NEIL3: variants seen among roughly 807,000 people sequenced by gnomAD.
NEIL3 encodes endonuclease 8-like 3.
In NEIL3, 48 loss-of-function variants were observed where a neutral mutation model predicts 57.5. The observed-to-expected ratio is 0.83, with a 90% CI of 0.66 to 1.06. NEIL3 has a LOEUF of 1.06. NEIL3 is among the 50% of genes least tolerant of loss of function. The probability of loss-of-function intolerance (pLI) is 0.00; values close to 1 mark genes in which losing one functional copy is unlikely to be tolerated. For missense variants in NEIL3, 717 were observed against 739.1 expected, an observed-to-expected ratio of 0.97 and a Z score of 0.35; for synonymous variants, 261 against 253.2, an observed-to-expected ratio of 1.03 and a Z score of -0.29.
At chr4:177,339,650 C>T in intron 4 of NEIL3, 133 bp from the exon 5 acceptor site, 1 of 643,228 alleles carries the variant, frequency 1.6e-6, no homozygotes, top group Non-Finnish European at 2.7e-6. Flanking sequence ...CCAGTTCAAA[C>T]CCATGTTGTT....
intron 8 of NEIL3, among the ~76,000 whole-genome samples, chr4:177,358,359 G>A (rs1413820595): frequency 6.6e-6 from 1 of 152,096 alleles, no homozygotes; most frequent in Non-Finnish European, 1.5e-5. Flanking sequence ...CCAGGCTGGA[G>A]TGCAATGGCG....
At chr4:177,325,258 A>C (rs1460184116) in intron 2 of NEIL3, among the ~76,000 whole-genome samples, 1 of 152,124 alleles carries the variant, frequency 6.6e-6, no homozygotes, top group African/African-American at 2.4e-5. Context: ...TACTTATAAA[A>C]GAGTTTTACA....
chr4:177,366,562 C>G (rs893477197), downstream of NEIL3, among the ~76,000 whole-genome samples: 2 of 152,150 alleles, frequency 1.3e-5, no homozygotes, highest in African/African-American at 4.8e-5. Context: ...CCACGCCTGG[C>G]TAATTTTTGT....
downstream of NEIL3, among the ~76,000 whole-genome samples, chr4:177,367,607 C>T (rs1735708302): frequency 6.6e-6 from 1 of 152,178 alleles, no homozygotes; most frequent in African/African-American, 2.4e-5. Context: ...ACAGAGCTGT[C>T]AGATTTCAGA....
In NEIL3 at chr4:177,310,077, C is replaced by G; in HGVS notation, c.124C>G (p.Leu42Val). 3 of 1,597,270 alleles carry G rather than the reference C, an allele frequency of 1.9e-6. No individual in the cohort carries two copies. Among genetic ancestry groups the G allele is most frequent in the Non-Finnish European group, 2.6e-6 (3 of 1,173,234 alleles). The change falls in exon 1 of 10, where the codon CTC becomes GTC. Residue 42 changes from leucine to valine, a missense_variant. Transcript: ENST00000264596. ...GAGTCTGCAGGGCCGCGCCTTGCGGCTCGCAGCCTCCACGGTTGTGGTCTC... is the reference window on the plus strand; with the variant it reads ...GAGTCTGCAGGGCCGCGCCTTGCGGGTCGCAGCCTCCACGGTTGTGGTCTC... ...LRSLQGRALR[L>V]AASTVVVSPQ...
At chr4:177,346,337 T>A (rs1483976030) in intron 6 of NEIL3, among the ~76,000 whole-genome samples, 1 of 104,992 alleles carries the variant, frequency 9.5e-6, no homozygotes, top group Non-Finnish European at 1.8e-5. Context: ...TGCCTAATTT[T>A]TTATTTTTAT....
rs1312117282 is a variant in NEIL3, at chr4:177,336,207, A to G, written c.513A>G (p.Lys171=). 6.2e-7 allele frequency: 1 copy of G among 1,614,164 alleles called. No individual in the cohort carries two copies. ...TGAGAGCAGAAAGTGAAGTTAAAAA[A>G]CAGAAAGGCCGGATGCTAGGTGATG... The part of the protein sequence containing the change: ...SFLRAESEVK[K]QKGRMLGDVL... The change falls in exon 4 of 10, where the codon AAA becomes AAG. Residue 171 remains lysine (K), a synonymous_variant. Transcript: ENST00000264596.
chr4:177,369,520 G>T, the NEIL3 span, among the ~76,000 whole-genome samples: 1 of 152,136 alleles, frequency 6.6e-6, no homozygotes, highest in South Asian at 2.1e-4. Flanking sequence ...GAGCCCATGG[G>T]CAGATAAGCA....
chr4:177,328,368 A>C (rs1196905560), intron 2 of NEIL3, among the ~76,000 whole-genome samples: 2 of 152,190 alleles, frequency 1.3e-5, no homozygotes, highest in Admixed American at 1.3e-4. Context: ...AAAGAGCCTC[A>C]AACCAAACCA....
chr4:177,347,126 G>T (rs925941893), intron 6 of NEIL3, among the ~76,000 whole-genome samples: 1 of 152,148 alleles, frequency 6.6e-6, no homozygotes, highest in African/African-American at 2.4e-5. Flanking sequence ...TGACGGAGAC[G>T]GCTCATTTTT....
intron 1 of NEIL3, among the ~76,000 whole-genome samples, chr4:177,313,281 T>A (rs752600810): frequency 6.6e-6 from 1 of 152,208 alleles, no homozygotes; most frequent in Non-Finnish European, 1.5e-5. Context: ...ACTGTTACTG[T>A]GTCATATAGC....
At chr4:177,334,993 A>G (rs35487300) in intron 2 of NEIL3, among the ~76,000 whole-genome samples, 3,699 of 152,294 alleles carry the variant, frequency 0.024, 92 homozygotes, top group African/African-American at 0.061. Context: ...GTGGCTTTCA[A>G]GTTAACCGTA....
chr4:177,351,317 TA>T, intron 6 of NEIL3, 62 bp from the exon 7 acceptor site: 1 of 1,173,308 alleles, frequency 8.5e-7, no homozygotes, highest in Non-Finnish European at 1.2e-6. Context: ...TAATCATTTC[TA>T]AAATATCCAG....
chr4:177,323,404 A>G (rs961605158), intron 2 of NEIL3, among the ~76,000 whole-genome samples: 1 of 152,168 alleles, frequency 6.6e-6, no homozygotes, highest in Non-Finnish European at 1.5e-5. Context: ...ATGCTAACCA[A>G]AGGTGAATAA....
At chr4:177,357,928 A>G (rs917979354) in intron 8 of NEIL3, among the ~76,000 whole-genome samples, 5 of 152,388 alleles carry the variant, frequency 3.3e-5, no homozygotes, top group Admixed American at 1.3e-4. Context: ...CATTTAAGTA[A>G]GAAATCTGCT....
chr4:177,346,157 C>T (rs981026086), intron 6 of NEIL3, among the ~76,000 whole-genome samples: 1 of 152,080 alleles, frequency 6.6e-6, no homozygotes, highest in Non-Finnish European at 1.5e-5. Context: ...AAGCCTCACC[C>T]TCTCTAATTC....
intron 4 of NEIL3, among the ~76,000 whole-genome samples, chr4:177,337,689 G>T (rs144618080): frequency 6.6e-6 from 1 of 152,236 alleles, no homozygotes; most frequent in Non-Finnish European, 1.5e-5. Flanking sequence ...TACCCATAAT[G>T]CCTGGGGGTT....
At chr4:177,325,102 G>C (rs1007461504) in intron 2 of NEIL3, among the ~76,000 whole-genome samples, 3 of 152,070 alleles carry the variant, frequency 2.0e-5, no homozygotes, top group Non-Finnish European at 4.4e-5. Context: ...ATATTTTGGA[G>C]GCTTTGCCAT....
chr4:177,313,358 T>C (rs1267430047), intron 1 of NEIL3, among the ~76,000 whole-genome samples: 1 of 152,200 alleles, frequency 6.6e-6, no homozygotes, highest in Non-Finnish European at 1.5e-5. Context: ...CTGTGACAAC[T>C]GATCCTCATT....
Sources: allele counts gnomAD v4.1 joint callset (sites outside exome capture counted in the v4.1 genomes callset), GRCh38; gene constraint gnomAD v4.1.1; transcripts MANE v1.5; gene names NCBI Gene and HGNC (gene_info 2026-07-23, HGNC 2026-07-21).